Variants in PTK2 observed in about 807,000 individuals in gnomAD.
The protein encoded by PTK2 is focal adhesion kinase 1.
PTK2 carries 45 observed loss-of-function variants against 150.1 expected under a neutral mutation model. That is an observed-to-expected ratio of 0.30 (90% CI 0.24 to 0.38). The LOEUF is 0.38. PTK2 is among the 10% of genes least tolerant of loss of function. The pLI, the probability that PTK2 is intolerant of heterozygous loss-of-function variation, is 1.00. For synonymous variants in PTK2, 432 were observed against 449.2 expected (o/e 0.96, Z 0.48); for missense variants, 919 against 1,307.3 (o/e 0.70, Z 4.58).
intron 5 of PTK2, among the ~76,000 whole-genome samples, chr8:140,850,652 C>T (rs891609438): frequency 4.0e-5 from 6 of 151,836 alleles, no homozygotes; most frequent in East Asian, 1.9e-4. Context: ...ATGGCGTGAA[C>T]GCGGGAGGCG....
intron 1 of PTK2, among the ~76,000 whole-genome samples, chr8:140,994,249 T>A (rs1456050954): frequency 6.6e-6 from 1 of 152,322 alleles, no homozygotes; most frequent in African/African-American, 2.4e-5. Flanking sequence ...ACAGTGCCAC[T>A]AAGGCAAAAA....
intron 24 of PTK2, among the ~76,000 whole-genome samples, chr8:140,704,026 A>G (rs2100032274): frequency 6.6e-6 from 1 of 152,222 alleles, no homozygotes; most frequent in Non-Finnish European, 1.5e-5. Flanking sequence ...ATGAATCTTC[A>G]AGTAAGACAT....
intron 1 of PTK2, among the ~76,000 whole-genome samples, chr8:140,988,794 G>A (rs1017917878): frequency 1.3e-5 from 2 of 150,236 alleles, no homozygotes; most frequent in African/African-American, 2.4e-5. Flanking sequence ...CAAAGGTGGC[G>A]CTGCAGAGAA....
chr8:140,810,900 C>CTGTG (rs2100101128), intron 10 of PTK2, among the ~76,000 whole-genome samples: 1 of 152,228 alleles, frequency 6.6e-6, no homozygotes, highest in African/African-American at 2.4e-5. Context: ...TGCCAGCAAC[C>CTGTG]CAACCCTGTG....
At chr8:140,812,220 A>G (rs993477260) in intron 10 of PTK2, among the ~76,000 whole-genome samples, 3 of 152,216 alleles carry the variant, frequency 2.0e-5, no homozygotes, top group African/African-American at 7.2e-5. Flanking sequence ...TAGAAACTCT[A>G]CAAGCCAAAA....
chr8:140,788,750 A>C (rs1330791684), intron 14 of PTK2, among the ~76,000 whole-genome samples: 1 of 152,184 alleles, frequency 6.6e-6, no homozygotes, highest in African/African-American at 2.4e-5. Flanking sequence ...AGTTAAAAGG[A>C]AACTATTATT....
chr8:140,919,635 A>G, intron 2 of PTK2, among the ~76,000 whole-genome samples: 1 of 152,176 alleles, frequency 6.6e-6, no homozygotes, highest in East Asian at 1.9e-4. Flanking sequence ...CAAGAAGTAT[A>G]GAATTCTTTG....
chr8:140,977,434 C>T (rs200356489), intron 1 of PTK2, among the ~76,000 whole-genome samples: 8 of 151,988 alleles, frequency 5.3e-5, no homozygotes, highest in Admixed American at 5.2e-4. Context: ...CCATCCTGGC[C>T]AACACGGTGA....
rs776361146 is a variant in PTK2, at chr8:140,761,282, C to T, written c.1235-20G>A. On this transcript the variant is annotated intron_variant, in intron 15 of 31. Transcript: ENST00000522684. ...CCCTGGCTGTAAAACATAATTCACACATCAATACTTAAGTAAAATATTCCA... is the reference window on the plus strand; with the variant it reads ...CCCTGGCTGTAAAACATAATTCACATATCAATACTTAAGTAAAATATTCCA... The T allele has an allele frequency of 2.0e-5, 30 of 1,516,674 alleles. No individual in the cohort carries two copies. The highest frequency in any genetic ancestry group is 6.9e-5 in the African/African-American group (5 of 72,854). The allele number at this position is 1,516,674 out of a possible 1,614,324, so 94.0% of individuals were successfully genotyped here.
chr8:140,784,820 AC>A (rs1224225776), intron 14 of PTK2, among the ~76,000 whole-genome samples: 2 of 152,204 alleles, frequency 1.3e-5, no homozygotes, highest in Non-Finnish European at 2.9e-5. Context: ...TTAATCTTAC[AC>A]TTATTTTTGT....
At position 140,928,122 on chromosome 8, in the gene PTK2, T is replaced by G. The variant is rs182071370; in HGVS notation, c.-121-2373A>C. 6.4e-3 allele frequency among the ~76,000 whole-genome samples: 976 copies of G among 151,604 alleles called. 7 individuals carry two copies. The highest frequency in any genetic ancestry group is 0.012 in the Admixed American group (177 of 15,210). On this transcript the variant is annotated intron_variant, in intron 1 of 31. Transcript: ENST00000522684. ...GAGCTACATAGTAGTTGGCCTTTTT[T>G]GTCAATTTCCCTCCCGTATGCTTTT...
chr8:140,752,191 G>T, intron 17 of PTK2, 41 bp downstream of exon 20: 1 of 1,499,368 alleles, frequency 6.7e-7, no homozygotes, highest in Non-Finnish European at 9.3e-7. Context: ...TTCACAGATA[G>T]AAAGTCAAAT....
At chr8:140,663,112 T>C (rs2083208671) in intron 31 of PTK2, 1 of 207,888 alleles carries the variant, frequency 4.8e-6, no homozygotes, top group Non-Finnish European at 9.5e-6. Flanking sequence ...GTGGTGATTG[T>C]GTGGTGGTTA....
intron 20 of PTK2, among the ~76,000 whole-genome samples, chr8:140,740,438 T>C (rs2100055024): frequency 6.6e-6 from 1 of 152,240 alleles, no homozygotes; most frequent in African/African-American, 2.4e-5. Context: ...TCTGCCAGCA[T>C]GTCAAGGGTC....
At chr8:140,695,217 C>T (rs1305624302) in intron 26 of PTK2, among the ~76,000 whole-genome samples, 1 of 152,126 alleles carries the variant, frequency 6.6e-6, no homozygotes, top group African/African-American at 2.4e-5. Flanking sequence ...TTCTTCCTTC[C>T]TCTTGACCTC....
intron 5 of PTK2, among the ~76,000 whole-genome samples, chr8:140,847,813 A>G (rs149938155): frequency 0.018 from 2,753 of 152,248 alleles, 48 homozygotes; most frequent in Non-Finnish European, 0.028. Flanking sequence ...CTGTTCTTCA[A>G]TGACTGCCTC....
chr8:140,920,413 TAAAGA>T (rs1307954447), intron 2 of PTK2, among the ~76,000 whole-genome samples: 1 of 152,100 alleles, frequency 6.6e-6, no homozygotes, highest in African/African-American at 2.4e-5. Flanking sequence ...TTACAGTGAG[TAAAGA>T]AAACTAATTT....
chr8:140,992,796 T>C (rs1288276835), intron 1 of PTK2, among the ~76,000 whole-genome samples: 1 of 152,206 alleles, frequency 6.6e-6, no homozygotes, highest in Admixed American at 6.5e-5. Flanking sequence ...ACTGTCACTT[T>C]CAAAATGTTT....
intron 8 of PTK2, among the ~76,000 whole-genome samples, chr8:140,820,055 G>A (rs577736291): frequency 2.3e-4 from 30 of 131,496 alleles, no homozygotes; most frequent in Non-Finnish European, 4.2e-4. Context: ...TTGAGAAGAG[G>A]AGTGACTTTA....
Sources: allele counts gnomAD v4.1 joint callset (sites outside exome capture counted in the v4.1 genomes callset), GRCh38; gene constraint gnomAD v4.1.1; transcripts MANE v1.5; gene names NCBI Gene and HGNC (gene_info 2026-07-23, HGNC 2026-07-21).